Variants in LTA4H observed in about 807,000 individuals in gnomAD.
LTA4H encodes the protein leukotriene A4 hydrolase.
LTA4H carries 59 observed loss-of-function variants against 89.8 expected under a neutral mutation model. The observed-to-expected ratio is 0.66, with a 90% CI of 0.53 to 0.82. The LOEUF is 0.82. Ranked by LOEUF, LTA4H falls within the 40% of genes least tolerant of loss-of-function variation. The pLI, the probability that LTA4H is intolerant of heterozygous loss-of-function variation, is 0.00. For missense variants in LTA4H, 617 were observed against 727.0 expected, an observed-to-expected ratio of 0.85 and a Z score of 1.74; for synonymous variants, 227 against 253.1, an observed-to-expected ratio of 0.90 and a Z score of 0.98.
rs756977478 is a variant in LTA4H at position 96,009,137 on chromosome 12, GTCATA to G, written c.1386_1390del (p.Met463SerfsTer19). The G allele has an allele frequency of 1.4e-5, 22 of 1,603,552 alleles. No individual in the cohort carries two copies. The highest frequency in any genetic ancestry group is 2.2e-5 in the East Asian group (1 of 44,794). On this transcript the variant is annotated frameshift_variant, in exon 15 of 19. Transcript: ENST00000228740. LOFTEE classifies it high-confidence loss of function. ...TAAGGCAATACAAGCATTTGTCAGAGTCATATCATAACTGCAAAGATAAAGATTAC... is the reference window on the plus strand; with the variant it reads ...TAAGGCAATACAAGCATTTGTCAGAGTCATAACTGCAAAGATAAAGATTAC...
intron 16 of LTA4H, among the ~76,000 whole-genome samples, chr12:96,005,494 T>A (rs1950183436): frequency 6.6e-6 from 1 of 152,172 alleles, no homozygotes; most frequent in Admixed American, 6.5e-5. Flanking sequence ...TCACATCTGG[T>A]CCTACCAGCT....
At chr12:96,024,275 T>C (rs1163617068) in intron 4 of LTA4H, among the ~76,000 whole-genome samples, 2 of 152,146 alleles carry the variant, frequency 1.3e-5, no homozygotes, top group Non-Finnish European at 2.9e-5. Context: ...ATTTCCTTTT[T>C]TTCACAGTTA....
Position 96,018,914 on chromosome 12 carries a change from A to ATGTCTG in LTA4H, c.712-12_712-11insCAGACA. 1 of 1,570,122 alleles carries ATGTCTG rather than the reference A, an allele frequency of 6.4e-7. No individual in the cohort carries two copies. Among genetic ancestry groups the ATGTCTG allele is most frequent in the Non-Finnish European group, 8.6e-7 (1 of 1,162,310 alleles). ...AAGCATAGATTCAGTCTGAAAAATCAACATATATATGTCTGTATGCCTTAA... is the reference window on the plus strand; with the variant it reads ...AAGCATAGATTCAGTCTGAAAAATCATGTCTGACATATATATGTCTGTATGCCTTAA... On this transcript the variant is annotated splice_polypyrimidine_tract_variant and intron_variant, in intron 7 of 18. Coordinates refer to ENST00000228740, the MANE Select transcript of LTA4H (RefSeq NM_000895.3).
chr12:96,026,749 A>C (rs1256860103), intron 3 of LTA4H, among the ~76,000 whole-genome samples: 1 of 152,154 alleles, frequency 6.6e-6, no homozygotes, highest in Non-Finnish European at 1.5e-5. Context: ...CTGGAAATAG[A>C]GCAAACGTTT....
At position 96,000,782 on chromosome 12, in the gene LTA4H, AAAT is replaced by A; in HGVS notation, c.*204_*206del. 2.6e-6 allele frequency: 1 copy of A among 387,622 alleles called. No homozygotes were observed. The highest frequency in any genetic ancestry group is 5.2e-5 in the South Asian group (1 of 19,132). The allele number at this position is 387,622 out of a possible 1,614,324, so 24.0% of individuals were successfully genotyped here. A position where few individuals can be genotyped will look rare whatever the true frequency, so the allele number is the denominator to read the frequency against. On this transcript the variant is annotated 3_prime_UTR_variant, in exon 19 of 19. Transcript: ENST00000228740. ...GCTAATTCAAAATTTTTTAATTTGT[AAAT>A]CAAAAGATTAAACCTTGTTAAAATT...
chr12:96,003,752 T>C, intron 17 of LTA4H, 86 bp downstream of exon 17: 1 of 822,298 alleles, frequency 1.2e-6, no homozygotes, highest in Non-Finnish European at 2.0e-6. Flanking sequence ...CTCAAGTATG[T>C]CTCATACTCT....
intron 14 of LTA4H, 60 bp from the exon 15 acceptor site, chr12:96,009,208 T>A: frequency 8.6e-7 from 1 of 1,157,744 alleles, no homozygotes. Context: ...AATGCAGTTT[T>A]AAAGCTACAG....
chr12:96,038,086 T>G (rs1165986597), upstream of LTA4H, among the ~76,000 whole-genome samples: 1 of 152,124 alleles, frequency 6.6e-6, no homozygotes, highest in Non-Finnish European at 1.5e-5. Flanking sequence ...AGAGGAAAGT[T>G]TCTGCAGAAG....
At chr12:96,038,563 G>T (rs2136928483), upstream of LTA4H, among the ~76,000 whole-genome samples, 1 of 151,758 alleles carries the variant, frequency 6.6e-6, no homozygotes, top group Admixed American at 6.6e-5. Flanking sequence ...TATTTTTTTA[G>T]AGATGGGGTT....
chr12:96,014,724 G>T, intron 12 of LTA4H, 131 bp downstream of exon 12: 1 of 835,364 alleles, frequency 1.2e-6, no homozygotes, highest in Non-Finnish European at 1.8e-6. Flanking sequence ...AAACAATACA[G>T]ATTTCTTCAG....
At chr12:96,023,744 G>A (rs912174901) in intron 4 of LTA4H, among the ~76,000 whole-genome samples, 2 of 152,190 alleles carry the variant, frequency 1.3e-5, no homozygotes, top group African/African-American at 4.8e-5. Flanking sequence ...AAGGGAATAA[G>A]TTGGAATTGC....
intron 18 of LTA4H, 90 bp from the exon 19 acceptor site, chr12:96,001,196 G>A: frequency 2.6e-6 from 2 of 763,144 alleles, no homozygotes; most frequent in South Asian, 1.5e-5. Flanking sequence ...AAGGAGGGAA[G>A]GGGTTCAGAG....
chr12:96,005,805 G>A (rs1950188923), intron 16 of LTA4H, among the ~76,000 whole-genome samples: 1 of 152,176 alleles, frequency 6.6e-6, no homozygotes, highest in African/African-American at 2.4e-5. Flanking sequence ...CTGGAGTACA[G>A]GGGTGTGATC....
At chr12:96,006,466 G>A (rs919343350) in intron 15 of LTA4H, 57 bp from the exon 16 acceptor site, 7 of 950,822 alleles carry the variant, frequency 7.4e-6, no homozygotes, top group South Asian at 3.2e-5. Flanking sequence ...AATACTTATT[G>A]GTTTATCTGA....
At chr12:96,028,158 T>C (rs1317376195) in intron 2 of LTA4H, among the ~76,000 whole-genome samples, 2 of 152,190 alleles carry the variant, frequency 1.3e-5, no homozygotes, top group African/African-American at 4.8e-5. Context: ...AGGATAGAAA[T>C]TGGTCCTTTA....
At chr12:96,019,803 T>C (rs1361504193) in intron 6 of LTA4H, among the ~76,000 whole-genome samples, 1 of 151,728 alleles carries the variant, frequency 6.6e-6, no homozygotes, top group Non-Finnish European at 1.5e-5. Context: ...GGTTTCACTG[T>C]GTTAGCCAGG....
chr12:96,043,499 C>A (rs1324278297), exon 1 of LTA4H: 2 of 565,158 alleles, frequency 3.5e-6, no homozygotes, highest in Non-Finnish European at 6.3e-6. Flanking sequence ...CCCAGCTACT[C>A]GGGAGGCTGA....
chr12:96,043,012 C>T (rs1449651239), intron 1 of LTA4H, among the ~76,000 whole-genome samples: 1 of 152,244 alleles, frequency 6.6e-6, no homozygotes, highest in South Asian at 2.1e-4. Flanking sequence ...ATTCCCATCT[C>T]ATACTTCATT....
intron 3 of LTA4H, among the ~76,000 whole-genome samples, chr12:96,024,761 C>T (rs1258097229): frequency 6.6e-6 from 1 of 151,692 alleles, no homozygotes; most frequent in African/African-American, 2.4e-5. Flanking sequence ...CTCCACCTCC[C>T]GGGTTCAAGC....
Sources: allele counts gnomAD v4.1 joint callset (sites outside exome capture counted in the v4.1 genomes callset), GRCh38; gene constraint gnomAD v4.1.1; transcripts MANE v1.5; gene names NCBI Gene and HGNC (gene_info 2026-07-23, HGNC 2026-07-21).